The following CSMD2 variants were observed in gnomAD, a reference collection of about 807,000 sequenced individuals.
CSMD2 encodes CUB and sushi domain-containing protein 2.
Under a neutral mutation model 398.5 loss-of-function variants are expected in CSMD2, and 130 were observed. The observed-to-expected ratio is 0.33, with a 90% confidence interval of 0.28 to 0.38. CSMD2 has a LOEUF of 0.38. Ranked by LOEUF, CSMD2 falls within the 10% of genes least tolerant of loss-of-function variation. The pLI is 1.00. For missense variants in CSMD2, 3,829 were observed against 4,764.9 expected (o/e 0.80, Z 5.78); for synonymous variants, 1,828 against 1,908.5 (o/e 0.96, Z 1.10).
chr1:33,850,941 T>G (rs988273594), intron 5 of CSMD2, among the ~76,000 whole-genome samples: 4 of 152,180 alleles, frequency 2.6e-5, no homozygotes, highest in Admixed American at 1.3e-4. Context: ...GCAGATTTTG[T>G]GGGAAGCATT....
chr1:33,583,351 G>A (rs1477670437), intron 47 of CSMD2, among the ~76,000 whole-genome samples: 1 of 152,194 alleles, frequency 6.6e-6, no homozygotes, highest in Non-Finnish European at 1.5e-5. Flanking sequence ...CTCTTCACTT[G>A]GGAATACTGT....
chr1:33,662,951 G>A lies in CSMD2; in HGVS notation c.4194C>T (p.Val1398=), dbSNP rs1272272119. ...PKDLHSTFNS[V]VLQFSTDFFT... is the part of the protein sequence containing the mutation. Reference sequence around the variant, plus strand: ...AGAAGTCAGTGCTGAACTGCAGGACGACCGAGTTGAAGGTGCTATGCAGGT... The same window carrying A: ...AGAAGTCAGTGCTGAACTGCAGGACAACCGAGTTGAAGGTGCTATGCAGGT... Residue 1398 remains valine, a synonymous_variant, in exon 26 of 71, where the codon GTC becomes GTT. Transcript: ENST00000373381. 3.1e-6 allele frequency: 5 copies of A among 1,614,026 alleles called. No individual in the cohort carries two copies. The highest frequency in any genetic ancestry group is 3.4e-6 in the Non-Finnish European group (4 of 1,180,028).
intron 1 of CSMD2, among the ~76,000 whole-genome samples, chr1:34,159,336 CCCA>C (rs386630230): frequency 0.052 from 4,668 of 89,766 alleles, 165 homozygotes; most frequent in African/African-American, 0.15. Flanking sequence ...CTGCCCCCCC[CCCA>C]CCCAGGAGCT....
intron 10 of CSMD2, among the ~76,000 whole-genome samples, chr1:33,793,130 A>G (rs1654524954): frequency 2.0e-5 from 3 of 152,298 alleles, no homozygotes; most frequent in Admixed American, 2.0e-4. Context: ...TGCCCTCGCT[A>G]AGAAGGGGAG....
chr1:34,108,248 G>T (rs1660710016), intron 1 of CSMD2, among the ~76,000 whole-genome samples: 1 of 149,276 alleles, frequency 6.7e-6, no homozygotes, highest in Admixed American at 6.9e-5. Flanking sequence ...AAATGAGAGA[G>T]AGAAAAAGAA....
At chr1:33,715,578 A>C (rs1180845852) in intron 20 of CSMD2, among the ~76,000 whole-genome samples, 1 of 152,156 alleles carries the variant, frequency 6.6e-6, no homozygotes, top group African/African-American at 2.4e-5. Flanking sequence ...TGACTTCTGC[A>C]TTGGAGGCCT....
chr1:33,964,874 G>GCT (rs1645502804), intron 3 of CSMD2, among the ~76,000 whole-genome samples: 1 of 152,220 alleles, frequency 6.6e-6, no homozygotes, highest in South Asian at 2.1e-4. Flanking sequence ...ACCTCTCTGT[G>GCT]CTCTGTGTCC....
rs547363684 is a variant in CSMD2 at position 34,092,878 on chromosome 1, G to T, written c.188-3685C>A. On this transcript the variant is annotated intron_variant, in intron 1 of 70. Coordinates refer to ENST00000373381, the MANE Select transcript of CSMD2 (RefSeq NM_001281956.2). Reference sequence around the variant, plus strand: ...GCTTGCTTAGGTAAACAAAGCAGCCGGAAAGCTCGAACTGGGTGGAGCCCA... The same window carrying T: ...GCTTGCTTAGGTAAACAAAGCAGCCTGAAAGCTCGAACTGGGTGGAGCCCA... Among the ~76,000 whole-genome samples the T allele has an allele frequency of 2.0e-3, 305 of 151,342 alleles. 1 individual carries two copies. The highest frequency in any genetic ancestry group is 3.2e-3 in the Non-Finnish European group (218 of 67,692).
At position 34,055,465 on chromosome 1, in the gene CSMD2, C is replaced by T. The variant is rs532046641; in HGVS notation, c.405-22759G>A. Reference sequence around the variant, plus strand: ...CAATCACAAGACCCTGGTTGTTTTACCTTTACTTCTGACCAACTGGCTGTA... The same window carrying T: ...CAATCACAAGACCCTGGTTGTTTTATCTTTACTTCTGACCAACTGGCTGTA... On this transcript the variant is annotated intron_variant, in intron 2 of 70. Coordinates refer to ENST00000373381, the MANE Select transcript of CSMD2 (RefSeq NM_001281956.2). Among the ~76,000 whole-genome samples, 3 of 152,274 alleles carry T rather than the reference C, an allele frequency of 2.0e-5. No individual in the cohort carries two copies. The South Asian group carries it at 6.2e-4, about 32-fold the overall frequency.
intron 5 of CSMD2, among the ~76,000 whole-genome samples, chr1:33,901,079 T>C (rs1315539302): frequency 1.3e-5 from 2 of 152,216 alleles, no homozygotes; most frequent in African/African-American, 4.8e-5. Context: ...TCAGTTTCTT[T>C]ATCTGCAAGA....
intron 12 of CSMD2, among the ~76,000 whole-genome samples, chr1:33,783,430 A>ATTCTCTCTCTCTCTCTCT (rs1653056580): frequency 1.4e-5 from 1 of 70,800 alleles, no homozygotes; most frequent in African/African-American, 7.3e-5. Flanking sequence ...TCATTCTCTC[A>ATTCTCTCTCTCTCTCTCT]TTCTCTCTCT....
intron 22 of CSMD2, among the ~76,000 whole-genome samples, chr1:33,708,849 A>G (rs980491051): frequency 3.2e-4 from 48 of 152,066 alleles, no homozygotes; most frequent in Admixed American, 1.6e-3. Context: ...GTCAACCCAT[A>G]CTCAATTACA....
intron 13 of CSMD2, among the ~76,000 whole-genome samples, chr1:33,756,547 G>A (rs1649047341): frequency 6.6e-6 from 1 of 152,236 alleles, no homozygotes; most frequent in Non-Finnish European, 1.5e-5. Context: ...TCTAAGGAAG[G>A]TTCACTGCAG....
chr1:33,610,901 G>T, intron 41 of CSMD2, 140 bp downstream of exon 41: 1 of 738,076 alleles, frequency 1.4e-6, no homozygotes, highest in Non-Finnish European at 2.2e-6. Context: ...CCAAAAGGAA[G>T]CTTCCCTGAC....
chr1:33,962,757 G>T (rs962514797), intron 3 of CSMD2, among the ~76,000 whole-genome samples: 5 of 152,060 alleles, frequency 3.3e-5, no homozygotes, highest in Non-Finnish European at 7.4e-5. Flanking sequence ...TATCCTTCAG[G>T]TGTGTCCGCA....
intron 3 of CSMD2, among the ~76,000 whole-genome samples, chr1:33,944,580 A>G (rs1644783907): frequency 6.6e-6 from 1 of 152,162 alleles, no homozygotes; most frequent in Non-Finnish European, 1.5e-5. Context: ...CCAAAGAGAG[A>G]GTTGAATTTA....
rs574950334 is a variant in CSMD2, at chr1:33,521,106, C to G, written c.10597+357G>C. 1.2e-4 allele frequency among the ~76,000 whole-genome samples: 18 copies of G among 152,318 alleles called. No homozygotes were observed. In the South Asian group the frequency reaches 3.1e-3, roughly 26 times the overall value. On this transcript the variant is annotated intron_variant, in intron 68 of 70. Coordinates refer to ENST00000373381, the MANE Select transcript of CSMD2 (RefSeq NM_001281956.2). ...TCACAGTCAAGGCACCCTGAGAGCT[C>G]TAAGACACTCCACAGTGTCGTTGTT...
chr1:34,162,262 G>A (rs755542020), intron 1 of CSMD2, among the ~76,000 whole-genome samples: 26 of 151,886 alleles, frequency 1.7e-4, no homozygotes, highest in Non-Finnish European at 2.5e-4. Context: ...GGTGGGGAGG[G>A]GGAGGGGGAG....
intron 3 of CSMD2, among the ~76,000 whole-genome samples, chr1:33,999,678 G>A (rs535995842): frequency 6.6e-6 from 1 of 152,138 alleles, no homozygotes; most frequent in Admixed American, 6.5e-5. Flanking sequence ...AGATACATAA[G>A]CTGCCATGCC....
Sources: allele counts gnomAD v4.1 joint callset (sites outside exome capture counted in the v4.1 genomes callset), GRCh38; gene constraint gnomAD v4.1.1; transcripts MANE v1.5; gene names NCBI Gene and HGNC (gene_info 2026-07-23, HGNC 2026-07-21).